Variants in RGS8 observed in about 807,000 individuals in gnomAD.
RGS8 encodes the protein regulator of G-protein signaling 8.
RGS8 carries 8 observed loss-of-function variants against 21.7 expected under a neutral mutation model. The ratio of observed to expected loss-of-function variants is 0.37; its 90% CI spans 0.22 to 0.66. The LOEUF is 0.66. Among genes scored for constraint, RGS8 ranks in the 30% least tolerant of loss-of-function variants. RGS8 has a pLI of 0.59. For synonymous variants in RGS8, 80 were observed against 83.6 expected, an observed-to-expected ratio of 0.96 and a Z score of 0.24; for missense variants, 157 against 217.9, an observed-to-expected ratio of 0.72 and a Z score of 1.76.
the RGS8 span, among the ~76,000 whole-genome samples, chr1:182,732,763 T>C: frequency 6.6e-6 from 1 of 152,182 alleles, no homozygotes; most frequent in African/African-American, 2.4e-5. Flanking sequence ...GAAAAGCTAA[T>C]TGAGTAGAAG....
At chr1:182,668,686 A>T (rs1663995244) in intron 3 of RGS8, among the ~76,000 whole-genome samples, 1 of 152,140 alleles carries the variant, frequency 6.6e-6, no homozygotes, top group African/African-American at 2.4e-5. Flanking sequence ...CTTGAATCTC[A>T]GCCAGGCCGC....
At chr1:182,670,114 C>T (rs1167502450) in intron 2 of RGS8, among the ~76,000 whole-genome samples, 3 of 152,170 alleles carry the variant, frequency 2.0e-5, no homozygotes, top group African/African-American at 7.2e-5. Flanking sequence ...AGGAGGGGGT[C>T]GGCACTTGCT....
At chr1:182,699,644 G>C in the RGS8 span, among the ~76,000 whole-genome samples, 15 of 152,198 alleles carry the variant, frequency 9.9e-5, no homozygotes, top group African/African-American at 3.1e-4. Context: ...AGCCTGCTTC[G>C]TTGCTGCAGG....
chr1:182,731,470 G>A, the RGS8 span, among the ~76,000 whole-genome samples: 146 of 152,240 alleles, frequency 9.6e-4, 1 homozygote, highest in Middle Eastern at 6.8e-3. Context: ...CAATTATAAC[G>A]AAAACATTTC....
At chr1:182,711,316 C>A in the RGS8 span, among the ~76,000 whole-genome samples, 5 of 152,182 alleles carry the variant, frequency 3.3e-5, no homozygotes, top group Admixed American at 6.5e-5. Context: ...CCAGACAGAG[C>A]CCCCTGACCC....
chr1:182,729,977 T>C, the RGS8 span, among the ~76,000 whole-genome samples: 1 of 152,024 alleles, frequency 6.6e-6, no homozygotes, highest in Non-Finnish European at 1.5e-5. Context: ...TCCAAACACA[T>C]CTAAAAAAGG....
At chr1:182,656,207 A>G (rs1663268658) in intron 5 of RGS8, among the ~76,000 whole-genome samples, 1 of 152,218 alleles carries the variant, frequency 6.6e-6, no homozygotes, top group Non-Finnish European at 1.5e-5. Context: ...GACTTTGCAC[A>G]CACATCTGCG....
the RGS8 span, among the ~76,000 whole-genome samples, chr1:182,692,809 C>T: frequency 6.6e-6 from 1 of 151,766 alleles, no homozygotes; most frequent in Admixed American, 6.6e-5. Context: ...GGTTAGAGAA[C>T]CCAGAAATAA....
chr1:182,650,643 T>A (rs768066232), intron 5 of RGS8, among the ~76,000 whole-genome samples: 8 of 152,172 alleles, frequency 5.3e-5, no homozygotes, highest in Non-Finnish European at 1.2e-4. Context: ...AACAGACTGC[T>A]TGAGCCCAGG....
chr1:182,648,012 C>T, intron 6 of RGS8, 125 bp downstream of exon 7: 1 of 808,654 alleles, frequency 1.2e-6, no homozygotes, highest in East Asian at 2.8e-5. Flanking sequence ...TCAAGGGCCA[C>T]CAGAGTGATG....
the RGS8 span, among the ~76,000 whole-genome samples, chr1:182,721,046 CAT>C: frequency 2.8e-4 from 19 of 68,184 alleles, no homozygotes; most frequent in African/African-American, 1.1e-3. Context: ...TATACATATA[CAT>C]ACATATATAT....
the RGS8 span, among the ~76,000 whole-genome samples, chr1:182,723,575 C>T: frequency 1.3e-5 from 2 of 152,182 alleles, no homozygotes; most frequent in African/African-American, 4.8e-5. Flanking sequence ...CTTATTAAAT[C>T]TAATCTGGAA....
At chr1:182,737,285 T>TA in the RGS8 span, among the ~76,000 whole-genome samples, 23,164 of 149,236 alleles carry the variant, frequency 0.16, 1,827 homozygotes, top group African/African-American at 0.2. Flanking sequence ...ATCTCATAGG[T>TA]AAAAAAAAAA....
At chr1:182,682,392 G>A (rs1291985410) in intron 1 of RGS8, among the ~76,000 whole-genome samples, 1 of 152,180 alleles carries the variant, frequency 6.6e-6, no homozygotes, top group Non-Finnish European at 1.5e-5. Context: ...CTGTTAGAGA[G>A]TAAATGGGGA....
At chr1:182,685,425 C>G (rs1557905395), upstream of RGS8, among the ~76,000 whole-genome samples, 1 of 152,238 alleles carries the variant, frequency 6.6e-6, no homozygotes, top group Non-Finnish European at 1.5e-5. Context: ...GAGGCAGGTT[C>G]ACTGCGCAGG....
chr1:182,648,659 C>T (rs905389835), intron 5 of RGS8, among the ~76,000 whole-genome samples: 3 of 151,950 alleles, frequency 2.0e-5, no homozygotes, highest in Non-Finnish European at 4.4e-5. Flanking sequence ...CGCTTGAACC[C>T]GGGAGGCAGA....
chr1:182,646,513 G>T (rs1049929407), exon 7 of RGS8: 8 of 506,010 alleles, frequency 1.6e-5, no homozygotes, highest in African/African-American at 3.8e-5. Flanking sequence ...ACAGCGGCAA[G>T]GCGCTACCAC....
At chr1:182,740,980 C>T in the RGS8 span, among the ~76,000 whole-genome samples, 2 of 151,982 alleles carry the variant, frequency 1.3e-5, no homozygotes, top group East Asian at 3.9e-4. Flanking sequence ...GGCAACCATC[C>T]GATTTCTCAA....
chr1:182,717,538 C>G, the RGS8 span, among the ~76,000 whole-genome samples: 1 of 152,204 alleles, frequency 6.6e-6, no homozygotes, highest in African/African-American at 2.4e-5. Flanking sequence ...CTGGAAAGGA[C>G]TTACCTGCAA....
Sources: gnomAD v4.1 joint callset for allele counts (sites outside exome capture counted in the v4.1 genomes callset) on GRCh38, gnomAD v4.1.1 for gene constraint, MANE v1.5 for transcripts, NCBI Gene and HGNC (gene_info 2026-07-23, HGNC 2026-07-21) for gene names.